The following CNTNAP2 variants were observed in gnomAD, a reference collection of about 807,000 sequenced individuals.
CNTNAP2 encodes the protein contactin-associated protein-like 2.
A neutral mutation model predicts 155.2 loss-of-function variants in CNTNAP2; 98 were observed. That is an observed-to-expected ratio of 0.63 (90% CI 0.54 to 0.75). The LOEUF (loss-of-function observed/expected upper bound fraction) is 0.75, where lower values mean the gene tolerates loss of function less well. Ranked by LOEUF, CNTNAP2 falls within the 30% of genes least tolerant of loss-of-function variation. The pLI is 0.00. For synonymous variants in CNTNAP2, 651 were observed against 631.2 expected (o/e 1.03, Z -0.47); for missense variants, 1,727 against 1,688.1 (o/e 1.02, Z -0.40).
chr7:147,157,474 G>T (rs532105681), intron 8 of CNTNAP2, among the ~76,000 whole-genome samples: 80 of 152,222 alleles, frequency 5.3e-4, no homozygotes, highest in African/African-American at 1.8e-3. Flanking sequence ...CAGAACAATT[G>T]TCAAGTTTCT....
intron 3 of CNTNAP2, among the ~76,000 whole-genome samples, chr7:146,880,396 C>T (rs1239453333): frequency 6.6e-6 from 1 of 151,952 alleles, no homozygotes; most frequent in Non-Finnish European, 1.5e-5. Flanking sequence ...CACTAGGAAC[C>T]TGACCATGCT....
intron 1 of CNTNAP2, among the ~76,000 whole-genome samples, chr7:146,767,017 G>A (rs146644954): frequency 6.6e-6 from 1 of 152,302 alleles, no homozygotes; most frequent in East Asian, 1.9e-4. Context: ...TGTCAGATAA[G>A]TTATGTCCAA....
chr7:148,010,814 A>G (rs920440089), intron 15 of CNTNAP2, among the ~76,000 whole-genome samples: 1 of 152,124 alleles, frequency 6.6e-6, no homozygotes, highest in South Asian at 2.1e-4. Flanking sequence ...TATACATGCA[A>G]GGGTCTCTTT....
chr7:148,220,553 T>G (rs761089032), intron 19 of CNTNAP2, among the ~76,000 whole-genome samples: 1 of 152,124 alleles, frequency 6.6e-6, no homozygotes, highest in Admixed American at 6.5e-5. Flanking sequence ...TGGGGAAATT[T>G]TATGTATGTT....
chr7:146,916,128 T>C (rs1796389662), intron 3 of CNTNAP2, among the ~76,000 whole-genome samples: 1 of 152,176 alleles, frequency 6.6e-6, no homozygotes, highest in Non-Finnish European at 1.5e-5. Flanking sequence ...ATTTATTGAC[T>C]TGTTGATGTT....
intron 1 of CNTNAP2, among the ~76,000 whole-genome samples, chr7:146,605,087 CAAA>C (rs57021805): frequency 6.9e-5 from 10 of 144,012 alleles, no homozygotes; most frequent in African/African-American, 2.5e-4. Context: ...AAAAAAACAA[CAAA>C]AAAAAAAAGA....
rs62472775 is a variant in CNTNAP2, at chr7:148,266,571, C to T, written c.3382-462C>T. Among the ~76,000 whole-genome samples, 868 of 152,222 alleles carry T rather than the reference C, an allele frequency of 5.7e-3. 6 individuals are homozygous for T. The highest frequency in any genetic ancestry group is 0.014 in the Middle Eastern group (4 of 294). On this transcript the variant is annotated intron_variant, in intron 20 of 23. Coordinates refer to ENST00000361727, the MANE Select transcript of CNTNAP2 (RefSeq NM_014141.6). ...ATTGGGATAACCGAGAAAACTACAA[C>T]TGTTTACCCCACTTGACCCTCAGCA... is the stretch of plus-strand genomic sequence containing the variant.
chr7:147,148,408 AGTG>A (rs987854735), intron 8 of CNTNAP2, among the ~76,000 whole-genome samples: 5 of 151,080 alleles, frequency 3.3e-5, no homozygotes, highest in Admixed American at 2.6e-4. Flanking sequence ...AAAAAAAAAA[AGTG>A]GTGGGTATTC....
intron 18 of CNTNAP2, among the ~76,000 whole-genome samples, chr7:148,213,194 C>T (rs758064627): frequency 1.3e-5 from 2 of 152,114 alleles, no homozygotes; most frequent in African/African-American, 2.4e-5. Flanking sequence ...TGGGGACCTG[C>T]GAAAAATGCT....
At chr7:146,312,277 T>C (rs144801449) in intron 1 of CNTNAP2, among the ~76,000 whole-genome samples, 33 of 152,290 alleles carry the variant, frequency 2.2e-4, no homozygotes, top group African/African-American at 7.7e-4. Flanking sequence ...CCTGTGATTA[T>C]GGGTGAGAGT....
chr7:147,379,494 A>G (rs755475938), intron 9 of CNTNAP2, among the ~76,000 whole-genome samples: 7 of 152,158 alleles, frequency 4.6e-5, no homozygotes, highest in Non-Finnish European at 8.8e-5. Flanking sequence ...GTTACACTTT[A>G]TTTCAAAAGA....
rs545938370 is a variant in CNTNAP2, at chr7:146,605,082, A to C, written c.98-169189A>C. 3.9e-5 allele frequency among the ~76,000 whole-genome samples: 5 copies of C among 127,414 alleles called. No individual in the cohort carries two copies. In the East Asian group the frequency reaches 1.3e-3, roughly 34 times the overall value. 83.6% of individuals were successfully genotyped at this position (127,414 alleles called of 152,430 possible). ...TAAAACTTAAAGTATAATAAAAAAA[A>C]ACAACAAAAAAAAAAAGAAAAAAAA... On this transcript the variant is annotated intron_variant, in intron 1 of 23. Coordinates refer to ENST00000361727, the MANE Select transcript of CNTNAP2 (RefSeq NM_014141.6).
At chr7:147,840,910 A>G (rs949749371) in intron 13 of CNTNAP2, among the ~76,000 whole-genome samples, 4 of 152,160 alleles carry the variant, frequency 2.6e-5, no homozygotes. Flanking sequence ...AAAAAAATCA[A>G]ACCCTTGAAC....
chr7:146,734,886 T>G (rs1322721825), intron 1 of CNTNAP2, among the ~76,000 whole-genome samples: 1 of 152,206 alleles, frequency 6.6e-6, no homozygotes, highest in Non-Finnish European at 1.5e-5. Flanking sequence ...TTTTGAGTAA[T>G]GCTGTTATCT....
intron 16 of CNTNAP2, among the ~76,000 whole-genome samples, chr7:148,125,311 G>A (rs1804691042): frequency 6.6e-6 from 1 of 151,684 alleles, no homozygotes; most frequent in Admixed American, 6.6e-5. Flanking sequence ...TTGTTATATT[G>A]GTAAATTGCA....
intron 13 of CNTNAP2, among the ~76,000 whole-genome samples, chr7:147,695,436 G>A (rs1563055936): frequency 2.0e-5 from 3 of 152,114 alleles, no homozygotes; most frequent in Non-Finnish European, 4.4e-5. Flanking sequence ...GAAGGGTATC[G>A]AAGTTGCCAA....
chr7:146,864,583 AAAG>A (rs1325983346), intron 3 of CNTNAP2, among the ~76,000 whole-genome samples: 1 of 152,174 alleles, frequency 6.6e-6, no homozygotes, highest in Non-Finnish European at 1.5e-5. Context: ...TGCAGTAAGA[AAAG>A]AATAAACAGA....
chr7:146,952,598 A>G (rs369572792), intron 3 of CNTNAP2, among the ~76,000 whole-genome samples: 41 of 152,310 alleles, frequency 2.7e-4, no homozygotes, highest in African/African-American at 9.6e-4. Context: ...TATAAAATCA[A>G]TGTGCAAAAA....
intron 15 of CNTNAP2, among the ~76,000 whole-genome samples, chr7:148,029,801 T>A (rs571290551): frequency 2.6e-5 from 4 of 152,202 alleles, no homozygotes; most frequent in Non-Finnish European, 5.9e-5. Context: ...AACTGTCTGA[T>A]GATAAAAGTT....
Sources: gnomAD v4.1 joint callset for allele counts (sites outside exome capture counted in the v4.1 genomes callset) on GRCh38, gnomAD v4.1.1 for gene constraint, MANE v1.5 for transcripts, NCBI Gene and HGNC (gene_info 2026-07-23, HGNC 2026-07-21) for gene names.